The following USP11 variants were observed in gnomAD, a reference collection of about 807,000 sequenced individuals.
The protein encoded by USP11 is ubiquitin carboxyl-terminal hydrolase 11.
Under a neutral mutation model 72.8 loss-of-function variants are expected in USP11, and 5 were observed. The observed-to-expected ratio is 0.07, with a 90% CI of 0.04 to 0.14. The LOEUF is 0.14. Among genes scored for constraint, USP11 ranks in the 10% least tolerant of loss-of-function variants. The probability of loss-of-function intolerance (pLI) is 1.00; values close to 1 mark genes in which losing one functional copy is unlikely to be tolerated. For synonymous variants in USP11, 368 were observed against 326.5 expected, an observed-to-expected ratio of 1.13 and a Z score of -1.37; for missense variants, 480 against 794.7, an observed-to-expected ratio of 0.60 and a Z score of 4.76.
chrX:47,242,700 G>A lies in USP11; in HGVS notation c.1563G>A (p.Leu521=), dbSNP rs200448321. 2.5e-6 allele frequency: 3 copies of A among 1,208,167 alleles called. No homozygotes were observed. The Admixed American group carries it at 6.5e-5, about 26-fold the overall frequency. The change falls in exon 12 of 21, where the codon TTG becomes TTA. Residue 521 remains leucine, a synonymous_variant. Transcript: ENST00000377107. ...TAGAGGAGCCTCTGAGCAGCATCTT[G>A]GACCGTGATGATATCTTCGTGTGAG... ...YQLEEPLSSI[L]DRDDIFVYEV...
chrX:47,244,795 T>C lies in USP11; in HGVS notation c.1957T>C (p.Phe653Leu). The change falls in exon 15 of 21, where the codon TTC becomes CTC. Residue 653 changes from phenylalanine to leucine, a missense_variant. By Grantham distance (22) the Phe-to-Leu change is conservative. Transcript: ENST00000377107. ...PSSGVTNRCP[F>L]LLDNCLGTSQ... ...CTCTGGAGTCACGAACAGGTGCCCG[T>C]TCCTCCTGGACAATTGCCTTGGCAC... The C allele has an allele frequency of 1.7e-6, 2 of 1,209,615 alleles. No homozygotes were observed. The highest frequency in any genetic ancestry group is 1.8e-5 in the South Asian group (1 of 56,803).
chrX:47,240,811 G>T lies in USP11; in HGVS notation c.781G>T (p.Gly261Cys). ...GTCGGAAGAGGATGAGGACTTCAAG[G>T]GTCAGCCAGGCATCTGTGGCCTCAC... is the stretch of plus-strand genomic sequence containing the variant. ...NMSEEDEDFKGQPGICGLTNL... is the reference protein window; with the variant it reads ...NMSEEDEDFKCQPGICGLTNL... Residue 261 changes from glycine to cysteine, a missense_variant, in exon 7 of 21, where the codon GGT becomes TGT. Physicochemically the swap from Gly to Cys is radical, Grantham distance 159. Transcript: ENST00000377107. 8.3e-7 allele frequency: 1 copy of T among 1,211,857 alleles called. No homozygotes were observed. Among genetic ancestry groups the T allele is most frequent in the Non-Finnish European group, 1.1e-6 (1 of 895,487 alleles).
At chrX:47,246,500 T>C (rs1291890201) in intron 17 of USP11, among the ~76,000 whole-genome samples, 2 of 111,693 alleles carry the variant, frequency 1.8e-5, no homozygotes, top group Admixed American at 9.5e-5. Flanking sequence ...AGAGGTGGGC[T>C]CTAAAATAAG....
At chrX:47,244,470 C>T (rs1178465971) in intron 13 of USP11, 28 bp from the exon 14 acceptor site, 3 of 1,207,040 alleles carry the variant, frequency 2.5e-6, no homozygotes, top group African/African-American at 1.8e-5. Flanking sequence ...TTGTACCCGT[C>T]TTGGGAGTCT....
intron 1 of USP11, among the ~76,000 whole-genome samples, chrX:47,238,184 GTTC>G (rs1455161754): frequency 9.7e-6 from 1 of 103,429 alleles, no homozygotes; most frequent in African/African-American, 3.6e-5. Flanking sequence ...GCAATATGCA[GTTC>G]TTTTTTTTTT....
intron 13 of USP11, 37 bp from the exon 14 acceptor site, chrX:47,244,461 T>C: frequency 3.3e-6 from 4 of 1,205,551 alleles, no homozygotes; most frequent in Non-Finnish European, 4.5e-6. Context: ...CCACTGTCCT[T>C]GTACCCGTCT....
At chrX:47,244,244 G>A (rs1038396991) in intron 13 of USP11, among the ~76,000 whole-genome samples, 3 of 109,042 alleles carry the variant, frequency 2.8e-5, no homozygotes, top group Admixed American at 2.0e-4. Context: ...AATTACAGCC[G>A]CGCGCCACCA....
chrX:47,240,511 C>T (rs1222004101), intron 5 of USP11, 61 bp downstream of exon 5: 3 of 1,207,654 alleles, frequency 2.5e-6, no homozygotes, highest in Non-Finnish European at 3.4e-6. Flanking sequence ...CCTGGCAGTA[C>T]TCGGGGGAAA....
In USP11 at chrX:47,239,862, T is replaced by G; in HGVS notation, c.490T>G (p.Leu164Val). The change falls in exon 4 of 21, where the codon TTG (leucine) becomes GTG (valine). Residue 164 changes from leucine (L) to valine (V), a missense_variant. This residue lies in a region of USP11 where 80 missense variants were observed against 100.9 expected (regional missense o/e 0.79). Coordinates refer to ENST00000377107, the MANE Select transcript of USP11 (RefSeq NM_001371072.1). ...VELLLVRHND[L>V]GKSHTVQFSH... ...ACTGCTGCTTGTCCGGCACAATGATTTGGGCAAATCTCACACTGTTCAGTT... is the reference window on the plus strand; with the variant it reads ...ACTGCTGCTTGTCCGGCACAATGATGTGGGCAAATCTCACACTGTTCAGTT... The G allele has an allele frequency of 8.3e-7, 1 of 1,211,579 alleles. No individual in the cohort carries two copies. Among genetic ancestry groups the G allele is most frequent in the Non-Finnish European group, 1.1e-6 (1 of 895,468 alleles).
Position 47,243,476 on chromosome X carries a change from C to A in USP11, c.1664C>A (p.Thr555Asn), listed in dbSNP as rs1290239581. 1 of 1,209,388 alleles carries A rather than the reference C, an allele frequency of 8.3e-7. No individual in the cohort carries two copies. The highest frequency in any genetic ancestry group is 3.0e-5 in the East Asian group (1 of 33,710). The part of the protein sequence containing the change: ...IVVPVYLRER[T>N]PARDYNNSYY... ...GTTCCTGTCTACCTGCGGGAGCGCA[C>A]CCCTGCCCGTGACTACAACAACTCC... Residue 555 changes from threonine to asparagine, a missense_variant, in exon 13 of 21, where the codon ACC becomes AAC. Coordinates refer to ENST00000377107, the MANE Select transcript of USP11 (RefSeq NM_001371072.1).
Position 47,247,945 on chromosome X carries a change from GC to G in USP11, c.*17del. 1 of 1,117,462 alleles carries G rather than the reference GC, an allele frequency of 8.9e-7. No homozygotes were observed. Among genetic ancestry groups the G allele is most frequent in the Admixed American group, 3.7e-5 (1 of 26,963 alleles). The allele number at this position is 1,117,462 out of a possible 1,213,427, so 92.1% of individuals were successfully genotyped here. ...ATGTTAATTGAGAGCCCTGGGTCCT[GC>G]CACAGAAAAAAAAAAAAAAAAGCCC... On this transcript the variant is annotated 3_prime_UTR_variant, in exon 21 of 21. Transcript: ENST00000377107.
chrX:47,236,959 A>T (rs899338494), intron 1 of USP11, among the ~76,000 whole-genome samples: 1 of 112,041 alleles, frequency 8.9e-6, no homozygotes, highest in Non-Finnish European at 1.9e-5. Flanking sequence ...TGATTTTTTT[A>T]AAGTGTCTTT....
chrX:47,239,605 A>G, intron 3 of USP11, 124 bp downstream of exon 3: 1 of 1,053,066 alleles, frequency 9.5e-7, no homozygotes, highest in South Asian at 2.2e-5. Flanking sequence ...TCCCCCTCCT[A>G]GCTCATCATA....
chrX:47,240,147 C>T (rs2055394580), intron 4 of USP11, among the ~76,000 whole-genome samples, 158 bp from the exon 5 acceptor site: 1 of 111,866 alleles, frequency 8.9e-6, no homozygotes, highest in African/African-American at 3.3e-5. Flanking sequence ...TGCTGGAGAT[C>T]TCCAGTCTGG....
In USP11 at chrX:47,248,299, T is replaced by C. The variant is rs1477414460; in HGVS notation, c.*369T>C. 1 of 179,167 alleles carries C rather than the reference T, an allele frequency of 5.6e-6. No homozygotes were observed. The highest frequency in any genetic ancestry group is 1.0e-5 in the Non-Finnish European group (1 of 99,022). The allele number at this position is 179,167 out of a possible 1,213,427, so 14.8% of individuals were successfully genotyped here. ...GGCCCTGTACCTTCTGCTGTGTGTG[T>C]GTATATATAAAGCACCAGTCTGCTC... is the stretch of plus-strand genomic sequence containing the variant. On this transcript the variant is annotated 3_prime_UTR_variant, in exon 21 of 21. Transcript: ENST00000377107.
chrX:47,242,590 C>T lies in USP11; in HGVS notation c.1489-36C>T, dbSNP rs369864970. The T allele has an allele frequency of 4.2e-6, 5 of 1,200,301 alleles. No individual in the cohort carries two copies. In the African/African-American group the frequency reaches 8.8e-5, roughly 21 times the overall value. ...AGGCAGAAGGGCCTGGGAGGCCGTG[C>T]AGACTAACAGTCCCCTCTCCATATC... On this transcript the variant is annotated intron_variant, in intron 11 of 20. Transcript: ENST00000377107.
Position 47,241,703 on chromosome X carries a change from G to A in USP11, c.1179+4G>A, listed in dbSNP as rs185299727. On this transcript the variant is annotated splice_donor_region_variant and intron_variant, in intron 9 of 20. Coordinates refer to ENST00000377107, the MANE Select transcript of USP11 (RefSeq NM_001371072.1). Reference sequence around the variant, plus strand: ...TGCTGCTGGGCGACCGGATCAGGTAGGCTGCCCCCGCATTTGCAGTCCAAT... The same window carrying A: ...TGCTGCTGGGCGACCGGATCAGGTAAGCTGCCCCCGCATTTGCAGTCCAAT... The A allele has an allele frequency of 1.8e-4, 217 of 1,178,996 alleles. 1 individual carries two copies. The African/African-American group carries it at 3.3e-3, about 18-fold the overall frequency.
intron 12 of USP11, among the ~76,000 whole-genome samples, chrX:47,243,133 G>C (rs191969819): frequency 1.5e-3 from 171 of 111,539 alleles, no homozygotes; most frequent in African/African-American, 5.3e-3. Flanking sequence ...CGTGGTGGCA[G>C]GTGCCTGTAG....
At chrX:47,238,430 C>T (rs2055385306) in intron 1 of USP11, among the ~76,000 whole-genome samples, 1 of 108,213 alleles carries the variant, frequency 9.2e-6, no homozygotes, top group East Asian at 2.8e-4. Context: ...TCAGGTGATC[C>T]ACCCGTCTTG....
Sources: gnomAD v4.1 joint callset for allele counts (sites outside exome capture counted in the v4.1 genomes callset) on GRCh38, gnomAD v4.1.1 for gene constraint, gnomAD v4.1.1 regional missense constraint, MANE v1.5 for transcripts, NCBI Gene and HGNC (gene_info 2026-07-23, HGNC 2026-07-21) for gene names.